The following RGS7BP variants were observed in gnomAD, a reference collection of about 807,000 sequenced individuals.
The protein encoded by RGS7BP is regulator of G protein signaling 7-binding protein.
In RGS7BP, 9 loss-of-function variants were observed where a neutral mutation model predicts 31.3. The observed-to-expected ratio is 0.29, with a 90% CI of 0.17 to 0.50. The LOEUF is 0.50. Among genes scored for constraint, RGS7BP ranks in the 20% least tolerant of loss-of-function variants. RGS7BP has a pLI of 0.98. For synonymous variants in RGS7BP, 115 were observed against 120.1 expected, an observed-to-expected ratio of 0.96 and a Z score of 0.28; for missense variants, 274 against 322.0, an observed-to-expected ratio of 0.85 and a Z score of 1.14.
In RGS7BP at chr5:64,542,047, G is replaced by A. The variant is rs115459578; in HGVS notation, c.333-33727G>A. On this transcript the variant is annotated intron_variant, in intron 2 of 5. Transcript: ENST00000334025. ...CTAGATATTAACGAATTTTCACAGC[G>A]CTATTTTTTAAAATAATCTATCCTC... is the stretch of plus-strand genomic sequence containing the variant. Among the ~76,000 whole-genome samples, 516 of 152,028 alleles carry A rather than the reference G, an allele frequency of 3.4e-3. 6 individuals carry two copies. Among genetic ancestry groups the A allele is most frequent in the African/African-American group, 0.011 (442 of 41,470 alleles).
chr5:64,517,015 A>AG (rs1185556615), intron 2 of RGS7BP, among the ~76,000 whole-genome samples: 1 of 147,264 alleles, frequency 6.8e-6, no homozygotes, highest in African/African-American at 2.6e-5. Flanking sequence ...ATTCTCGCCC[A>AG]GAAAAAAAAA....
intron 5 of RGS7BP, among the ~76,000 whole-genome samples, chr5:64,602,805 T>C (rs1743254187): frequency 2.0e-5 from 3 of 152,200 alleles, no homozygotes. Context: ...CTACAAGGTA[T>C]ATTAGATTCT....
intron 2 of RGS7BP, among the ~76,000 whole-genome samples, chr5:64,551,823 C>A (rs1295263730): frequency 1.3e-5 from 2 of 152,212 alleles, no homozygotes; most frequent in Middle Eastern, 3.4e-3. Flanking sequence ...AATCTAAAAT[C>A]TTTTACTTTT....
At chr5:64,586,510 T>C (rs1157399279) in intron 3 of RGS7BP, among the ~76,000 whole-genome samples, 1 of 152,188 alleles carries the variant, frequency 6.6e-6, no homozygotes, top group Non-Finnish European at 1.5e-5. Flanking sequence ...CTTATGAAGG[T>C]CATAACTTTC....
intron 2 of RGS7BP, among the ~76,000 whole-genome samples, chr5:64,518,539 T>C (rs901013126): frequency 6.6e-6 from 1 of 152,202 alleles, no homozygotes; most frequent in African/African-American, 2.4e-5. Flanking sequence ...AGGTAACATT[T>C]GAACTGAATA....
chr5:64,594,347 C>A (rs748788365), intron 3 of RGS7BP, among the ~76,000 whole-genome samples: 1 of 152,072 alleles, frequency 6.6e-6, no homozygotes, highest in Non-Finnish European at 1.5e-5. Context: ...ATCTAAGCAC[C>A]AAAAGCCAGT....
rs146375242 is a variant in RGS7BP, at chr5:64,583,891, T to C, written c.463+7987T>C. 9.5e-4 allele frequency among the ~76,000 whole-genome samples: 145 copies of C among 152,370 alleles called. 1 individual carries two copies. The highest frequency in any genetic ancestry group is 3.2e-3 in the African/African-American group (135 of 41,596). On this transcript the variant is annotated intron_variant, in intron 3 of 5. Coordinates refer to ENST00000334025, the MANE Select transcript of RGS7BP (RefSeq NM_001029875.3). Reference sequence around the variant, plus strand: ...GTCAATGTAGATGTTGGCTGAAGAATAGGATAATAGCAATGACAATAGCTT... The same window carrying C: ...GTCAATGTAGATGTTGGCTGAAGAACAGGATAATAGCAATGACAATAGCTT...
intron 2 of RGS7BP, among the ~76,000 whole-genome samples, chr5:64,553,540 T>C (rs986744771): frequency 3.3e-5 from 5 of 152,104 alleles, no homozygotes; most frequent in African/African-American, 1.2e-4. Flanking sequence ...ACTTTTTTTT[T>C]CAAAATGTCA....
intron 2 of RGS7BP, among the ~76,000 whole-genome samples, chr5:64,535,479 C>A (rs1220427529): frequency 6.6e-6 from 1 of 152,068 alleles, no homozygotes; most frequent in African/African-American, 2.4e-5. Context: ...AAAGATGCTC[C>A]CTCCCAGCCC....
At chr5:64,514,002 G>A (rs1748908809) in intron 2 of RGS7BP, among the ~76,000 whole-genome samples, 1 of 152,182 alleles carries the variant, frequency 6.6e-6, no homozygotes, top group Non-Finnish European at 1.5e-5. Flanking sequence ...AGGTCAAGGT[G>A]TCAGCAGGGT....
chr5:64,509,961 T>G (rs963985423), intron 2 of RGS7BP, among the ~76,000 whole-genome samples: 2 of 152,212 alleles, frequency 1.3e-5, no homozygotes, highest in Non-Finnish European at 2.9e-5. Context: ...CCTCACCATC[T>G]GGGCTCCGTT....
chr5:64,579,808 C>T (rs1046072100), intron 3 of RGS7BP, among the ~76,000 whole-genome samples: 5 of 151,862 alleles, frequency 3.3e-5, no homozygotes, highest in African/African-American at 1.2e-4. Flanking sequence ...TATGATACAT[C>T]CTTTCTATTT....
Position 64,506,317 on chromosome 5 carries a change from G to C in RGS7BP, c.-308G>C, listed in dbSNP as rs1748675523. ...CTCGCCCAGCCTTGCAATCCATGCCGAGAGGAAGGCAGTGCGAGCCCGCGC... is the reference window on the plus strand; with the variant it reads ...CTCGCCCAGCCTTGCAATCCATGCCCAGAGGAAGGCAGTGCGAGCCCGCGC... On this transcript the variant is annotated 5_prime_UTR_variant, in exon 1 of 6. Coordinates refer to ENST00000334025, the MANE Select transcript of RGS7BP (RefSeq NM_001029875.3). The surrounding 1 kb of genome is among the most constrained non-coding windows in gnomAD (Gnocchi z 4.6). The C allele has an allele frequency of 1.8e-5, 5 of 274,028 alleles. No individual in the cohort carries two copies. In the Admixed American group the frequency reaches 2.6e-4, roughly 14 times the overall value. The allele number at this position is 274,028 out of a possible 1,614,324, so 17.0% of individuals were successfully genotyped here. A position where few individuals can be genotyped will look rare whatever the true frequency, so the allele number is the denominator to read the frequency against.
At chr5:64,601,737 CG>C (rs1174045675) in intron 5 of RGS7BP, among the ~76,000 whole-genome samples, 1 of 152,100 alleles carries the variant, frequency 6.6e-6, no homozygotes, top group Admixed American at 6.5e-5. Context: ...ATGATAGTCT[CG>C]CTGTGTCAAA....
chr5:64,527,364 T>C (rs1749256123), intron 2 of RGS7BP, among the ~76,000 whole-genome samples: 1 of 152,062 alleles, frequency 6.6e-6, no homozygotes, highest in Non-Finnish European at 1.5e-5. Flanking sequence ...AGCGAGGACA[T>C]GATATATTTT....
intron 2 of RGS7BP, among the ~76,000 whole-genome samples, chr5:64,547,052 A>C (rs1741675873): frequency 6.6e-6 from 1 of 152,200 alleles, no homozygotes; most frequent in Non-Finnish European, 1.5e-5. Context: ...TGTGAGATTC[A>C]TCCATGTGTT....
At chr5:64,575,333 T>C (rs968235850) in intron 2 of RGS7BP, among the ~76,000 whole-genome samples, 1 of 152,170 alleles carries the variant, frequency 6.6e-6, no homozygotes. Flanking sequence ...TAAATTGCTC[T>C]CTAATCACAT....
At chr5:64,569,244 C>T (rs554416431) in intron 2 of RGS7BP, among the ~76,000 whole-genome samples, 9 of 152,126 alleles carry the variant, frequency 5.9e-5, no homozygotes, top group Non-Finnish European at 1.0e-4. Context: ...TGCAATTATT[C>T]TTCAAAGGCT....
At chr5:64,568,093 C>CAT (rs993453974) in intron 2 of RGS7BP, among the ~76,000 whole-genome samples, 106 of 151,622 alleles carry the variant, frequency 7.0e-4, no homozygotes, top group Middle Eastern at 3.5e-3. Context: ...TTTTAAAATA[C>CAT]ATATATATAT....
Sources: allele counts gnomAD v4.1 joint callset (sites outside exome capture counted in the v4.1 genomes callset), GRCh38; gene constraint gnomAD v4.1.1; non-coding constraint Gnocchi (gnomAD v3.1); transcripts MANE v1.5; gene names NCBI Gene and HGNC (gene_info 2026-07-23, HGNC 2026-07-21).